The following RASGEF1A variants were observed in gnomAD, a reference collection of about 807,000 sequenced individuals.
The protein encoded by RASGEF1A is ras-GEF domain-containing family member 1A.
In RASGEF1A, 18 loss-of-function variants were observed where a neutral mutation model predicts 56.4. The ratio of observed to expected loss-of-function variants is 0.32; its 90% CI spans 0.22 to 0.47. The LOEUF (loss-of-function observed/expected upper bound fraction) is 0.47. RASGEF1A is among the 20% of genes least tolerant of loss of function. The pLI is 1.00. For synonymous variants in RASGEF1A, 245 were observed against 242.6 expected (o/e 1.01, Z -0.09); for missense variants, 422 against 627.1 (o/e 0.67, Z 3.49).
chr10:43,216,302 GGTC>G, intron 1 of RASGEF1A, among the ~76,000 whole-genome samples: 1 of 152,292 alleles, frequency 6.6e-6, no homozygotes, highest in East Asian at 1.9e-4. Flanking sequence ...ACTCTGTGAG[GGTC>G]TGGGCTCCTC....
At chr10:43,215,895 T>TTGGCCTCCCTGTGGAGGTGAGGC (rs1840130671) in intron 1 of RASGEF1A, among the ~76,000 whole-genome samples, 1 of 152,146 alleles carries the variant, frequency 6.6e-6, no homozygotes, top group African/African-American at 2.4e-5. Flanking sequence ...GGCGGTGAGG[T>TTGGCCTCCCTGTGGAGGTGAGGC]TGGCCTCCCT....
At position 43,217,552 on chromosome 10, in the gene RASGEF1A, G is replaced by C. The variant is rs1840154459; in HGVS notation, c.-6-11430C>G. Among the ~76,000 whole-genome samples, 3 of 152,248 alleles carry C rather than the reference G, an allele frequency of 2.0e-5. No homozygotes were observed. The South Asian group carries it at 6.2e-4, about 31-fold the overall frequency. ...TCCCAGCTCTGTGGAAGAAGGCCGGGTGACCGGCCATTGCCCAACCCCTCT... is the reference window on the plus strand; with the variant it reads ...TCCCAGCTCTGTGGAAGAAGGCCGGCTGACCGGCCATTGCCCAACCCCTCT... On this transcript the variant is annotated intron_variant, in intron 1 of 12. Transcript: ENST00000395810.
intron 9 of RASGEF1A, among the ~76,000 whole-genome samples, chr10:43,198,508 C>T (rs1380852417): frequency 6.6e-6 from 1 of 152,260 alleles, no homozygotes; most frequent in Non-Finnish European, 1.5e-5. Flanking sequence ...ACCTCCCAGA[C>T]CTGACCAGCT....
chr10:43,219,943 C>T (rs1840185865), intron 1 of RASGEF1A, among the ~76,000 whole-genome samples: 1 of 152,200 alleles, frequency 6.6e-6, no homozygotes, highest in Non-Finnish European at 1.5e-5. Context: ...CTGGGCCAGT[C>T]ATGGGGGTAG....
At chr10:43,255,819 G>C (rs1222296668) in intron 1 of RASGEF1A, among the ~76,000 whole-genome samples, 2 of 152,124 alleles carry the variant, frequency 1.3e-5, no homozygotes, top group East Asian at 3.9e-4. Flanking sequence ...GCCATTCCTG[G>C]GCACCTGTCA....
At chr10:43,204,043 A>G (rs1243114632) in intron 2 of RASGEF1A, among the ~76,000 whole-genome samples, 1 of 151,948 alleles carries the variant, frequency 6.6e-6, no homozygotes, top group Non-Finnish European at 1.5e-5. Flanking sequence ...GGGCCCCTCC[A>G]TACCACATCC....
chr10:43,265,155 T>C (rs934882120), intron 1 of RASGEF1A, among the ~76,000 whole-genome samples: 4 of 152,140 alleles, frequency 2.6e-5, no homozygotes, highest in Non-Finnish European at 4.4e-5. Flanking sequence ...CCTCCTCCCC[T>C]GCCTGCAGTT....
At chr10:43,242,221 T>C (rs1184651990) in intron 1 of RASGEF1A, among the ~76,000 whole-genome samples, 13 of 152,160 alleles carry the variant, frequency 8.5e-5, no homozygotes, top group African/African-American at 3.1e-4. Context: ...AGAATGGCTA[T>C]ATTAATATTA....
intron 1 of RASGEF1A, among the ~76,000 whole-genome samples, chr10:43,251,555 G>A (rs1751507556): frequency 1.3e-5 from 2 of 152,262 alleles, no homozygotes; most frequent in South Asian, 2.1e-4. Flanking sequence ...CATGATGGAC[G>A]CCAGCCGCTG....
At chr10:43,241,398 G>A (rs1346320018) in intron 1 of RASGEF1A, among the ~76,000 whole-genome samples, 1 of 152,198 alleles carries the variant, frequency 6.6e-6, no homozygotes, top group African/African-American at 2.4e-5. Flanking sequence ...CAAAGGAGAG[G>A]AGAGGCAACA....
chr10:43,247,332 C>G (rs1013572564), intron 1 of RASGEF1A, among the ~76,000 whole-genome samples: 1 of 105,532 alleles, frequency 9.5e-6, no homozygotes, highest in Non-Finnish European at 1.9e-5. Context: ...ATTGTGCAAT[C>G]TATTCAGAAA....
Position 43,200,898 on chromosome 10 carries a change from C to G in RASGEF1A, c.460-10G>C, listed in dbSNP as rs1839886426. 6.2e-7 allele frequency: 1 copy of G among 1,611,720 alleles called. No individual in the cohort carries two copies. Among genetic ancestry groups the G allele is most frequent in the East Asian group, 2.2e-5 (1 of 44,830 alleles). On this transcript the variant is annotated splice_polypyrimidine_tract_variant and intron_variant, in intron 4 of 12. Transcript: ENST00000395810. Reference sequence around the variant, plus strand: ...TCACTGTGCCATTCTCCTGTGGGGTCAAGGGCAATAAGGGTGCCAGCATGG... The same window carrying G: ...TCACTGTGCCATTCTCCTGTGGGGTGAAGGGCAATAAGGGTGCCAGCATGG...
intron 7 of RASGEF1A, 54 bp downstream of exon 7, chr10:43,199,620 GTC>G: frequency 7.4e-7 from 1 of 1,356,986 alleles, no homozygotes; most frequent in Non-Finnish European, 1.1e-6. Flanking sequence ...CAAGATCAGG[GTC>G]TCACTGGGTG....
intron 1 of RASGEF1A, among the ~76,000 whole-genome samples, chr10:43,254,605 C>A (rs1411662483): frequency 6.6e-6 from 1 of 152,188 alleles, no homozygotes. Flanking sequence ...TGACACCCGG[C>A]CTCTGGGCCT....
At chr10:43,202,767 G>C (rs1457057480) in intron 3 of RASGEF1A, 5 of 455,344 alleles carry the variant, frequency 1.1e-5, no homozygotes, top group African/African-American at 1.1e-4. Flanking sequence ...CTCCCACCAC[G>C]CCCCTAACCC....
At chr10:43,232,878 CG>C (rs926378942) in intron 1 of RASGEF1A, among the ~76,000 whole-genome samples, 4 of 152,210 alleles carry the variant, frequency 2.6e-5, no homozygotes, top group East Asian at 1.9e-4. Context: ...ACACAGCAGC[CG>C]GGGGGGATCT....
At chr10:43,221,718 C>T (rs574402137) in intron 1 of RASGEF1A, among the ~76,000 whole-genome samples, 3 of 152,342 alleles carry the variant, frequency 2.0e-5, no homozygotes, top group South Asian at 4.1e-4. Flanking sequence ...CCAAGGGGCC[C>T]GTGCTGCATT....
At chr10:43,223,059 A>G (rs542809862) in intron 1 of RASGEF1A, among the ~76,000 whole-genome samples, 87 of 152,160 alleles carry the variant, frequency 5.7e-4, no homozygotes, top group Admixed American at 1.6e-3. Flanking sequence ...AGCTATGCCC[A>G]GGAAACACAG....
chr10:43,237,022 G>A (rs1266411213), intron 1 of RASGEF1A, among the ~76,000 whole-genome samples: 2 of 152,012 alleles, frequency 1.3e-5, no homozygotes, highest in Non-Finnish European at 2.9e-5. Context: ...CTTGTGGGGA[G>A]TCTCAGGACC....
Sources: gnomAD v4.1 joint callset for allele counts (sites outside exome capture counted in the v4.1 genomes callset) on GRCh38, gnomAD v4.1.1 for gene constraint, MANE v1.5 for transcripts, NCBI Gene and HGNC (gene_info 2026-07-23, HGNC 2026-07-21) for gene names.